Variants in OIP5 observed in about 807,000 individuals in gnomAD.
The protein encoded by OIP5 is protein Mis18-beta.
Under a neutral mutation model 20.3 loss-of-function variants are expected in OIP5, and 24 were observed. The ratio of observed to expected loss-of-function variants is 1.18; its 90% confidence interval spans 0.86 to 1.66. The LOEUF (loss-of-function observed/expected upper bound fraction) is 1.66, where lower values mean the gene tolerates loss of function less well. Among genes scored for constraint, OIP5 ranks in the 40% most tolerant of loss-of-function variants. The pLI is 0.00. For synonymous variants in OIP5, 143 were observed against 121.3 expected (o/e 1.18, Z -1.17); for missense variants, 339 against 289.5 (o/e 1.17, Z -1.24).
chr15:41,318,238 C>T (rs910403209), intron 3 of OIP5, among the ~76,000 whole-genome samples: 6 of 152,196 alleles, frequency 3.9e-5, no homozygotes, highest in African/African-American at 1.4e-4. Flanking sequence ...TCTTGGCTCA[C>T]TGCAACCTCC....
At position 41,332,591 on chromosome 15, in the gene OIP5, T is replaced by C. The variant is rs2047951124; in HGVS notation, c.-30A>G. Reference sequence around the variant, plus strand: ...CCGCAGCCGGCGCCTTCCTTTCGAATACACGCCAGGCCCCGCCCCAAGCAC... The same window carrying C: ...CCGCAGCCGGCGCCTTCCTTTCGAACACACGCCAGGCCCCGCCCCAAGCAC... On this transcript the variant is annotated 5_prime_UTR_variant, in exon 1 of 5. Transcript: ENST00000220514. 1 of 1,576,592 alleles carries C rather than the reference T, an allele frequency of 6.3e-7. No homozygotes were observed. Among genetic ancestry groups the C allele is most frequent in the Non-Finnish European group, 8.6e-7 (1 of 1,162,010 alleles).
chr15:41,332,186 G>C, intron 1 of OIP5, 54 bp downstream of exon 1: 2 of 1,511,654 alleles, frequency 1.3e-6, no homozygotes, highest in Non-Finnish European at 1.8e-6. Flanking sequence ...GGAGAAAGCG[G>C]GAACACCCTC....
intron 2 of OIP5, among the ~76,000 whole-genome samples, chr15:41,321,563 A>G (rs1173290463): frequency 1.3e-5 from 2 of 152,160 alleles, no homozygotes; most frequent in African/African-American, 4.8e-5. Context: ...GAGACTTTTC[A>G]TTTTGTTCTG....
chr15:41,327,495 T>C (rs999760198), intron 2 of OIP5, among the ~76,000 whole-genome samples: 7 of 149,282 alleles, frequency 4.7e-5, no homozygotes, highest in Middle Eastern at 3.5e-3. Context: ...GATATATCTT[T>C]AAAAAGAAAA....
chr15:41,332,164 C>T (rs1208818125), intron 1 of OIP5, 76 bp downstream of exon 1: 10 of 1,476,230 alleles, frequency 6.8e-6, no homozygotes, highest in Non-Finnish European at 8.3e-6. Context: ...AGGTGGTTCT[C>T]CGCCACCCGG....
chr15:41,316,900 T>C (rs564964420), intron 3 of OIP5, among the ~76,000 whole-genome samples: 62 of 152,250 alleles, frequency 4.1e-4, no homozygotes, highest in African/African-American at 1.4e-3. Flanking sequence ...TTCCACCTCT[T>C]TGAGCCCTAG....
intron 2 of OIP5, among the ~76,000 whole-genome samples, chr15:41,324,121 G>C (rs891718074): frequency 6.6e-6 from 1 of 150,540 alleles, no homozygotes; most frequent in Non-Finnish European, 1.5e-5. Flanking sequence ...AGCCTCCCAA[G>C]CAGCTGGGAC....
At chr15:41,322,592 CTT>C (rs1241021662) in intron 2 of OIP5, among the ~76,000 whole-genome samples, 1 of 151,962 alleles carries the variant, frequency 6.6e-6, no homozygotes, top group Admixed American at 6.6e-5. Flanking sequence ...TGGGGTCTTA[CTT>C]TGTTTCCCAG....
chr15:41,326,320 G>A (rs1376002786), intron 2 of OIP5, among the ~76,000 whole-genome samples: 1 of 152,192 alleles, frequency 6.6e-6, no homozygotes, highest in Non-Finnish European at 1.5e-5. Flanking sequence ...CATGGTTTAT[G>A]ATTTAAAAAA....
chr15:41,322,705 C>T (rs529214161), intron 2 of OIP5, among the ~76,000 whole-genome samples: 4 of 151,972 alleles, frequency 2.6e-5, no homozygotes, highest in Non-Finnish European at 5.9e-5. Context: ...GAGGCCAAGG[C>T]GGGTGGATCA....
intron 4 of OIP5, among the ~76,000 whole-genome samples, chr15:41,310,588 C>T (rs1392667032): frequency 6.7e-6 from 1 of 148,670 alleles, no homozygotes; most frequent in African/African-American, 2.5e-5. Context: ...AAGATCGTGC[C>T]ACTGCATTCC....
Position 41,332,380 on chromosome 15 carries a change from G to A in OIP5, c.182C>T (p.Ala61Val), listed in dbSNP as rs1459331040. The A allele has an allele frequency of 3.0e-5, 49 of 1,612,534 alleles. No individual in the cohort carries two copies. The East Asian group carries it at 1.1e-3, about 35-fold the overall frequency. The change falls in exon 1 of 5, where the codon GCC (alanine) becomes GTC (valine). Residue 61 changes from alanine to valine, a missense_variant. Coordinates refer to ENST00000220514, the MANE Select transcript of OIP5 (RefSeq NM_007280.2). ...GPAGLGAEEP[A>V]AGPQLPSWLQ... ...CCAAGACGGCAGCTGCGGGCCGGCG[G>A]CTGGCTCCTCAGCCCCCAGCCCTGC...
intron 3 of OIP5, 40 bp from the exon 4 acceptor site, chr15:41,313,394 G>A (rs746731266): frequency 8.8e-7 from 1 of 1,138,066 alleles, no homozygotes; most frequent in Non-Finnish European, 1.3e-6. Context: ...TCATACCATG[G>A]TTAAGATTAT....
rs959829946 is a variant in OIP5, at chr15:41,313,253, C to T, written c.594+20G>A. 6.8e-7 allele frequency: 1 copy of T among 1,464,562 alleles called. No individual in the cohort carries two copies. Among genetic ancestry groups the T allele is most frequent in the Non-Finnish European group, 9.5e-7 (1 of 1,051,902 alleles). 90.7% of individuals were successfully genotyped at this position (1,464,562 alleles called of 1,614,324 possible). On this transcript the variant is annotated intron_variant, in intron 4 of 4. Transcript: ENST00000220514. ...GTTGTCTGTATTTTAAAAAAGCATA[C>T]AACCATCATGAAATTTTACCTCTGC...
chr15:41,324,660 T>G (rs558975943), intron 2 of OIP5, among the ~76,000 whole-genome samples: 1 of 152,256 alleles, frequency 6.6e-6, no homozygotes, highest in African/African-American at 2.4e-5. Flanking sequence ...CGGCTAATTT[T>G]GTATTTTTAG....
chr15:41,330,358 C>A (rs1452466449), intron 2 of OIP5, among the ~76,000 whole-genome samples: 1 of 151,268 alleles, frequency 6.6e-6, no homozygotes. Flanking sequence ...CATGGCCTCC[C>A]AAAAGTGCTG....
At chr15:41,323,890 A>C (rs2047845033) in intron 2 of OIP5, among the ~76,000 whole-genome samples, 1 of 145,496 alleles carries the variant, frequency 6.9e-6, no homozygotes, top group African/African-American at 2.6e-5. Context: ...ACCCACTTTC[A>C]TTTTCTGTAG....
rs563990447 is a variant in OIP5 at position 41,315,562 on chromosome 15, C to T, written c.513-2208G>A. Reference sequence around the variant, plus strand: ...ATGACTGTAATTGCAGCAGCCATCCCGAATCCAAGAGGAAAAGGCCAAAGT... The same window carrying T: ...ATGACTGTAATTGCAGCAGCCATCCTGAATCCAAGAGGAAAAGGCCAAAGT... On this transcript the variant is annotated intron_variant, in intron 3 of 4. Coordinates refer to ENST00000220514, the MANE Select transcript of OIP5 (RefSeq NM_007280.2). 2.6e-5 allele frequency among the ~76,000 whole-genome samples: 4 copies of T among 152,170 alleles called. No homozygotes were observed. The South Asian group carries it at 6.2e-4, about 24-fold the overall frequency.
At chr15:41,309,932 G>T in intron 4 of OIP5, 83 bp from the exon 5 acceptor site, 1 of 887,006 alleles carries the variant, frequency 1.1e-6, no homozygotes, top group Non-Finnish European at 1.7e-6. Context: ...TCTGTTGCCT[G>T]AGCTGGAGTA....
Sources: allele counts gnomAD v4.1 joint callset (sites outside exome capture counted in the v4.1 genomes callset), GRCh38; gene constraint gnomAD v4.1.1; transcripts MANE v1.5; gene names NCBI Gene and HGNC (gene_info 2026-07-23, HGNC 2026-07-21).